The following HSPA12A variants were observed in gnomAD, a reference collection of about 807,000 sequenced individuals.
The protein encoded by HSPA12A is heat shock 70 kDa protein 12A.
HSPA12A carries 28 observed loss-of-function variants against 69.2 expected under a neutral mutation model. The observed-to-expected ratio is 0.40, with a 90% CI of 0.30 to 0.55. HSPA12A has a LOEUF of 0.55. Among genes scored for constraint, HSPA12A ranks in the 20% least tolerant of loss-of-function variants. The pLI, the probability that HSPA12A is intolerant of heterozygous loss-of-function variation, is 0.38. For missense variants in HSPA12A, 686 were observed against 900.7 expected (o/e 0.76, Z 3.05); for synonymous variants, 345 against 370.5 (o/e 0.93, Z 0.79).
chr10:116,771,105 C>T (rs2133117215), intron 2 of HSPA12A, among the ~76,000 whole-genome samples: 1 of 152,194 alleles, frequency 6.6e-6, no homozygotes, highest in South Asian at 2.1e-4. Context: ...ACTGTGGCTC[C>T]CGAGTCTGTA....
intron 1 of HSPA12A, among the ~76,000 whole-genome samples, chr10:116,846,403 A>G (rs1845885627): frequency 6.7e-6 from 1 of 150,274 alleles, no homozygotes; most frequent in African/African-American, 2.5e-5. Context: ...AGGCTGGAGC[A>G]CAGTGGCACA....
Position 116,726,710 on chromosome 10 carries a change from G to A in HSPA12A, c.40+15720C>T, listed in dbSNP as rs1024898670. Among the ~76,000 whole-genome samples, 21 of 152,274 alleles carry A rather than the reference G, an allele frequency of 1.4e-4. No individual in the cohort carries two copies. The East Asian group carries it at 3.5e-3, about 25-fold the overall frequency. Reference sequence around the variant, plus strand: ...CAGACAGCCAGTCTTGGCTTGCTCCGATGAACGGCATGGCCCTACTGCCTC... The same window carrying A: ...CAGACAGCCAGTCTTGGCTTGCTCCAATGAACGGCATGGCCCTACTGCCTC... On this transcript the variant is annotated intron_variant, in intron 1 of 11. Transcript: ENST00000369209.
intron 2 of HSPA12A, among the ~76,000 whole-genome samples, chr10:116,812,814 G>A (rs145431851): frequency 3.9e-4 from 59 of 152,318 alleles, no homozygotes; most frequent in Non-Finnish European, 7.1e-4. Flanking sequence ...TCAAAGAGGC[G>A]CAGACACAGA....
At chr10:116,752,411 C>A (rs1851795019) in intron 2 of HSPA12A, among the ~76,000 whole-genome samples, 1 of 152,214 alleles carries the variant, frequency 6.6e-6, no homozygotes, top group African/African-American at 2.4e-5. Flanking sequence ...CATTTATTCT[C>A]ATTCAGCCTC....
At chr10:116,678,198 C>A (rs564679652) in intron 10 of HSPA12A, among the ~76,000 whole-genome samples, 1 of 152,046 alleles carries the variant, frequency 6.6e-6, no homozygotes, top group East Asian at 1.9e-4. Flanking sequence ...CAATAATCAT[C>A]AATGGCTGCT....
At chr10:116,814,447 C>T (rs933132140) in intron 2 of HSPA12A, among the ~76,000 whole-genome samples, 7 of 152,184 alleles carry the variant, frequency 4.6e-5, no homozygotes, top group African/African-American at 1.7e-4. Flanking sequence ...AGTGAAAAGC[C>T]ACATCTGCTA....
chr10:116,830,401 T>A (rs931368871), intron 2 of HSPA12A: 1 of 152,184 alleles, frequency 6.6e-6, no homozygotes, highest in African/African-American at 2.4e-5. Context: ...ATATGTGAAT[T>A]TATGCACATA....
intron 5 of HSPA12A, among the ~76,000 whole-genome samples, chr10:116,696,701 A>C (rs1314092123): frequency 6.6e-6 from 1 of 152,082 alleles, no homozygotes; most frequent in Non-Finnish European, 1.5e-5. Context: ...ACCAAGAAAA[A>C]GTTCCTTGGC....
At chr10:116,818,753 C>T (rs922895935) in intron 2 of HSPA12A, among the ~76,000 whole-genome samples, 21 of 152,168 alleles carry the variant, frequency 1.4e-4, no homozygotes, top group Non-Finnish European at 1.0e-4. Flanking sequence ...GGACAAGGGA[C>T]ATGGGAGTAT....
At position 116,686,038 on chromosome 10, in the gene HSPA12A, A is replaced by T. The variant is rs782088832; in HGVS notation, c.664-2076T>A. ...GAGAAGCTGGGTCTGCCCTTAGGTG[A>T]CATCGGTCAACAGGGCCCTGACTCA... is the stretch of plus-strand genomic sequence containing the variant. On this transcript the variant is annotated intron_variant, in intron 6 of 11. Transcript: ENST00000369209. This position sits in a 1 kb window ranked among gnomAD's most constrained non-coding sequence, Gnocchi z 4.1. Among the ~76,000 whole-genome samples, 7 of 152,158 alleles carry T rather than the reference A, an allele frequency of 4.6e-5. No individual in the cohort carries two copies. The highest frequency in any genetic ancestry group is 2.0e-4 in the Admixed American group (3 of 15,282).
upstream of HSPA12A, among the ~76,000 whole-genome samples, chr10:116,746,666 A>G (rs1554887844): frequency 6.6e-6 from 1 of 152,246 alleles, no homozygotes; most frequent in Non-Finnish European, 1.5e-5. Context: ...GTCAGCCTAT[A>G]TATGCCACTG....
intron 1 of HSPA12A, among the ~76,000 whole-genome samples, chr10:116,740,975 A>G (rs969173469): frequency 2.7e-5 from 4 of 150,656 alleles, no homozygotes; most frequent in African/African-American, 2.4e-5. Flanking sequence ...AAAAAAAAAA[A>G]AAAAAAAAAA....
At chr10:116,706,674 G>C (rs1277646765) in intron 2 of HSPA12A, among the ~76,000 whole-genome samples, 2 of 152,162 alleles carry the variant, frequency 1.3e-5, no homozygotes, top group African/African-American at 4.8e-5. Flanking sequence ...ATACAGGGCA[G>C]GGTGGGAGCA....
rs1554879499 is a variant in HSPA12A, at chr10:116,686,230, G to A, written c.664-2268C>T. Among the ~76,000 whole-genome samples, 1 of 152,194 alleles carries A rather than the reference G, an allele frequency of 6.6e-6. No individual in the cohort carries two copies. Among genetic ancestry groups the A allele is most frequent in the Non-Finnish European group, 1.5e-5 (1 of 68,046 alleles). ...CACGTATGGTGCCCTCGGGAAAGGT[G>A]AAACCTCTGAGCCTGGATCCCAAGG... On this transcript the variant is annotated intron_variant, in intron 6 of 11. Transcript: ENST00000369209. The surrounding 1 kb of genome is among the most constrained non-coding windows in gnomAD (Gnocchi z 4.1).
intron 1 of HSPA12A, among the ~76,000 whole-genome samples, chr10:116,836,768 A>AACACAC (rs75862523): frequency 3.4e-3 from 498 of 146,598 alleles, no homozygotes; most frequent in Non-Finnish European, 4.6e-3. Context: ...AAACGAACCG[A>AACACAC]ACACACACAC....
At chr10:116,825,524 CA>C (rs1845486485) in intron 2 of HSPA12A, among the ~76,000 whole-genome samples, 1 of 152,068 alleles carries the variant, frequency 6.6e-6, no homozygotes, top group African/African-American at 2.4e-5. Context: ...AACAAACAAA[CA>C]AACAAAGTAC....
In HSPA12A at chr10:116,742,440, G is replaced by C; in HGVS notation, c.30C>G (p.Asp10Glu). The change falls in exon 1 of 12, where the codon GAC becomes GAG. Residue 10 changes from aspartate to glutamate, a missense_variant. Transcript: ENST00000369209. MADKEAGGS[D>E]GPRETAPTSA... ...GCAGCCTGCGCTCACCTCGGGGCCC[G>C]TCGCTGCCGCCGGCCTCCTTGTCCG... The C allele has an allele frequency of 7.1e-7, 1 of 1,412,668 alleles. No homozygotes were observed. Among genetic ancestry groups the C allele is most frequent in the Non-Finnish European group, 9.2e-7 (1 of 1,082,414 alleles). The allele number at this position is 1,412,668 out of a possible 1,614,324, so 87.5% of individuals were successfully genotyped here. A position where few individuals can be genotyped will look rare whatever the true frequency, so the allele number is the denominator to read the frequency against.
chr10:116,688,226 C>T (rs797041621), intron 6 of HSPA12A, among the ~76,000 whole-genome samples: 1 of 152,130 alleles, frequency 6.6e-6, no homozygotes, highest in Non-Finnish European at 1.5e-5. Context: ...AGCTGCTGAA[C>T]GAATGGACCC....
intron 2 of HSPA12A, among the ~76,000 whole-genome samples, chr10:116,768,581 A>G (rs1260179206): frequency 2.0e-5 from 3 of 152,160 alleles, no homozygotes; most frequent in African/African-American, 7.2e-5. Flanking sequence ...TGGTGCAATC[A>G]TGGCTCACTG....
Sources: gnomAD v4.1 joint callset for allele counts (sites outside exome capture counted in the v4.1 genomes callset) on GRCh38, gnomAD v4.1.1 for gene constraint, Gnocchi (gnomAD v3.1) non-coding constraint, MANE v1.5 for transcripts, NCBI Gene and HGNC (gene_info 2026-07-23, HGNC 2026-07-21) for gene names.